SHISA9: variants seen among roughly 807,000 people sequenced by gnomAD.
The protein encoded by SHISA9 is protein shisa-9.
A neutral mutation model predicts 38.0 loss-of-function variants in SHISA9; 13 were observed. That is an observed-to-expected ratio of 0.34 (90% CI 0.22 to 0.54). The LOEUF (loss-of-function observed/expected upper bound fraction) is 0.54, where lower values mean the gene tolerates loss of function less well. Among genes scored for constraint, SHISA9 ranks in the 20% least tolerant of loss-of-function variants. The probability of loss-of-function intolerance (pLI) is 0.91; values close to 1 mark genes in which losing one functional copy is unlikely to be tolerated. For missense variants in SHISA9, 538 were observed against 575.8 expected (o/e 0.93, Z 0.67); for synonymous variants, 275 against 242.0 (o/e 1.14, Z -1.27).
chr16:13,434,367 C>G, the SHISA9 span, among the ~76,000 whole-genome samples: 1 of 151,346 alleles, frequency 6.6e-6, no homozygotes, highest in Non-Finnish European at 1.5e-5. Flanking sequence ...ATCCTTCAAT[C>G]CAATCAAATT....
chr16:13,248,823 A>G, the SHISA9 span, among the ~76,000 whole-genome samples: 1 of 152,194 alleles, frequency 6.6e-6, no homozygotes, highest in Admixed American at 6.5e-5. Context: ...AGAAACTGGT[A>G]AGGGGATGGC....
chr16:13,203,413 C>G lies in SHISA9; in HGVS notation c.711C>G (p.Asn237Lys). The change falls in exon 3 of 5, where the codon AAC (asparagine) becomes AAG (lysine). Residue 237 changes from asparagine to lysine, a missense_variant. By Grantham distance (94) the Asn-to-Lys change is moderately conservative. Around this residue, in one of 4 missense-constraint regions of SHISA9, gnomAD observed 326 missense variants for 305.9 expected, o/e 1.07. Coordinates refer to ENST00000558583, the MANE Select transcript of SHISA9 (RefSeq NM_001145204.3). ...TTCCAGATGCCACCCAGATGAACAA[C>G]GCAGTGCCCACCTCTCCTCTGCTCC... Reference protein sequence around the residue: ...INNLHATQMNNAVPTSPLLQQ... With the variant: ...INNLHATQMNKAVPTSPLLQQ... The G allele has an allele frequency of 6.5e-7, 1 of 1,542,010 alleles. No individual in the cohort carries two copies. Among genetic ancestry groups the G allele is most frequent in the South Asian group, 1.2e-5 (1 of 82,236 alleles).
chr16:13,480,999 CA>C, the SHISA9 span, among the ~76,000 whole-genome samples: 1 of 152,144 alleles, frequency 6.6e-6, no homozygotes, highest in Non-Finnish European at 1.5e-5. Flanking sequence ...TTTCTATAAG[CA>C]ATTAGGAACC....
chr16:12,927,524 A>C (rs920937959), intron 2 of SHISA9, among the ~76,000 whole-genome samples: 7 of 151,800 alleles, frequency 4.6e-5, no homozygotes, highest in African/African-American at 1.7e-4. Flanking sequence ...TCAACCTCTC[A>C]AGTAGCTGGG....
At chr16:13,312,754 A>C in the SHISA9 span, among the ~76,000 whole-genome samples, 1 of 152,236 alleles carries the variant, frequency 6.6e-6, no homozygotes, top group Non-Finnish European at 1.5e-5. Flanking sequence ...TGCTCTCAAC[A>C]GATTTCCATC....
intron 2 of SHISA9, among the ~76,000 whole-genome samples, chr16:13,011,803 G>A (rs1596583175): frequency 6.6e-6 from 1 of 150,470 alleles, no homozygotes; most frequent in Non-Finnish European, 1.5e-5. Flanking sequence ...TTACAGGCGT[G>A]AGCCACCGTG....
the SHISA9 span, among the ~76,000 whole-genome samples, chr16:13,314,394 TTAGTAGTAG>T: frequency 6.6e-6 from 1 of 151,574 alleles, no homozygotes; most frequent in Non-Finnish European, 1.5e-5. Context: ...ATTATTACTA[TTAGTAGTAG>T]TAGTAGTAGT....
chr16:13,520,443 CA>C, the SHISA9 span, among the ~76,000 whole-genome samples: 10 of 146,052 alleles, frequency 6.8e-5, no homozygotes, highest in Admixed American at 6.9e-5. Flanking sequence ...ACTAAAAATA[CA>C]AAAAAAAAAT....
chr16:13,198,321 T>C (rs1222316369), intron 2 of SHISA9, among the ~76,000 whole-genome samples: 1 of 149,810 alleles, frequency 6.7e-6, no homozygotes, highest in African/African-American at 2.5e-5. Context: ...TGTATATGCA[T>C]ACATATATAC....
the SHISA9 span, among the ~76,000 whole-genome samples, chr16:13,470,894 T>C: frequency 6.6e-6 from 1 of 152,046 alleles, no homozygotes; most frequent in African/African-American, 2.4e-5. Context: ...AAATGAGACC[T>C]GAAGACAAGG....
At chr16:13,439,691 C>A in the SHISA9 span, among the ~76,000 whole-genome samples, 19 of 152,130 alleles carry the variant, frequency 1.2e-4, no homozygotes, top group Non-Finnish European at 2.6e-4. Context: ...TTCTGGTGAC[C>A]CTTCAAGTTC....
the SHISA9 span, among the ~76,000 whole-genome samples, chr16:13,274,156 A>C: frequency 1.3e-4 from 20 of 152,270 alleles, no homozygotes; most frequent in East Asian, 3.9e-3. Flanking sequence ...AAGCATAAAA[A>C]TATGTGTTTC....
At chr16:13,375,255 G>A in the SHISA9 span, among the ~76,000 whole-genome samples, 2 of 152,148 alleles carry the variant, frequency 1.3e-5, no homozygotes, top group Non-Finnish European at 2.9e-5. Flanking sequence ...CCATGCCTAT[G>A]TCCTGAATGG....
intron 2 of SHISA9, among the ~76,000 whole-genome samples, chr16:13,184,951 A>G (rs2142034670): frequency 6.6e-6 from 1 of 152,314 alleles, no homozygotes; most frequent in African/African-American, 2.4e-5. Flanking sequence ...TTGATTACCT[A>G]GCAGTGGGAT....
the SHISA9 span, among the ~76,000 whole-genome samples, chr16:13,382,442 A>T: frequency 6.8e-6 from 1 of 147,848 alleles, no homozygotes; most frequent in Non-Finnish European, 1.5e-5. Context: ...TCAGGGGAGA[A>T]TTTCTTGAAC....
intron 2 of SHISA9, among the ~76,000 whole-genome samples, chr16:12,984,234 G>A (rs113624253): frequency 2.1e-4 from 32 of 152,264 alleles, no homozygotes; most frequent in African/African-American, 7.5e-4. Context: ...AATGAGCAGA[G>A]GAGGTGCTGA....
At chr16:13,287,953 C>A in the SHISA9 span, among the ~76,000 whole-genome samples, 4 of 151,860 alleles carry the variant, frequency 2.6e-5, no homozygotes, top group East Asian at 3.9e-4. Flanking sequence ...GAATACAGGT[C>A]CATTCACAGA....
At chr16:12,997,395 T>C (rs952755009) in intron 2 of SHISA9, among the ~76,000 whole-genome samples, 5 of 151,194 alleles carry the variant, frequency 3.3e-5, no homozygotes, top group Non-Finnish European at 5.9e-5. Flanking sequence ...ATGTTTCCAG[T>C]TTAGGCTTAA....
chr16:13,279,781 A>C, the SHISA9 span, among the ~76,000 whole-genome samples: 2 of 151,734 alleles, frequency 1.3e-5, no homozygotes, highest in South Asian at 4.1e-4. Context: ...TTTGTTTTGG[A>C]TGTCTGTTTT....
Sources: allele counts gnomAD v4.1 joint callset (sites outside exome capture counted in the v4.1 genomes callset), GRCh38; gene constraint gnomAD v4.1.1; regional missense constraint gnomAD v4.1.1; transcripts MANE v1.5; gene names NCBI Gene and HGNC (gene_info 2026-07-23, HGNC 2026-07-21).